EEFSEC: variants seen among roughly 807,000 people sequenced by gnomAD.
The protein encoded by EEFSEC is eukaryotic elongation factor, selenocysteine-tRNA specific.
In EEFSEC, 43 loss-of-function variants were observed where a neutral mutation model predicts 42.1. The ratio of observed to expected loss-of-function variants is 1.02; its 90% CI spans 0.80 to 1.32. The LOEUF is 1.32. Ranked by LOEUF, EEFSEC falls within the 40% of genes most tolerant of loss-of-function variation. The pLI, the probability that EEFSEC is intolerant of heterozygous loss-of-function variation, is 0.00. For synonymous variants in EEFSEC, 354 were observed against 339.1 expected (o/e 1.04, Z -0.48); for missense variants, 745 against 803.6 (o/e 0.93, Z 0.88).
chr3:128,410,982 G>C (rs529087655), downstream of EEFSEC, among the ~76,000 whole-genome samples: 4 of 152,212 alleles, frequency 2.6e-5, no homozygotes, highest in Non-Finnish European at 4.4e-5. Flanking sequence ...GCCTCTGAGC[G>C]CCCTGAGTGT....
chr3:128,394,025 G>T (rs1356969033), intron 6 of EEFSEC, among the ~76,000 whole-genome samples: 4 of 151,858 alleles, frequency 2.6e-5, no homozygotes, highest in Admixed American at 1.3e-4. Flanking sequence ...GGGGCGGGGG[G>T]TGCGGAGGTC....
intron 6 of EEFSEC, among the ~76,000 whole-genome samples, chr3:128,391,038 C>T (rs528129426): frequency 4.6e-5 from 7 of 152,246 alleles, no homozygotes; most frequent in African/African-American, 7.2e-5. Flanking sequence ...ACCTGTCATA[C>T]GACACATGGA....
chr3:128,340,056 C>A (rs116527406), intron 4 of EEFSEC, among the ~76,000 whole-genome samples: 2,263 of 152,288 alleles, frequency 0.015, 58 homozygotes, highest in African/African-American at 0.05. Context: ...GATGGGGACA[C>A]AGCCAAACCA....
intron 6 of EEFSEC, among the ~76,000 whole-genome samples, chr3:128,394,893 C>T (rs975328353): frequency 3.3e-5 from 5 of 152,230 alleles, no homozygotes; most frequent in African/African-American, 9.6e-5. Context: ...CTGGCCCGGC[C>T]TCTGCACCCT....
intron 1 of EEFSEC, among the ~76,000 whole-genome samples, chr3:128,209,002 G>T (rs2065728497): frequency 6.6e-6 from 1 of 152,206 alleles, no homozygotes; most frequent in Non-Finnish European, 1.5e-5. Flanking sequence ...TGACATTTGA[G>T]TGAGTTCTTG....
chr3:128,299,790 C>G (rs1201322491), intron 4 of EEFSEC, among the ~76,000 whole-genome samples: 2 of 152,182 alleles, frequency 1.3e-5, no homozygotes. Context: ...CAGAGATGAC[C>G]ACGTATTTCA....
intron 1 of EEFSEC, among the ~76,000 whole-genome samples, chr3:128,235,101 G>C (rs1021878744): frequency 2.6e-5 from 4 of 152,014 alleles, no homozygotes; most frequent in Admixed American, 2.0e-4. Flanking sequence ...GTCTCATTCT[G>C]TTGCCCAGGT....
intron 2 of EEFSEC, among the ~76,000 whole-genome samples, chr3:128,254,267 C>G (rs1392876700): frequency 6.6e-6 from 1 of 152,188 alleles, no homozygotes; most frequent in African/African-American, 2.4e-5. Flanking sequence ...CATGTGATGA[C>G]TAAGCAGGGG....
rs2065829929 is a variant in EEFSEC at position 128,218,300 on chromosome 3, C to G, written c.317-28536C>G. Among the ~76,000 whole-genome samples, 3 of 152,332 alleles carry G rather than the reference C, an allele frequency of 2.0e-5. No individual in the cohort carries two copies. In the South Asian group the frequency reaches 6.2e-4, roughly 32 times the overall value. On this transcript the variant is annotated intron_variant, in intron 1 of 6. Transcript: ENST00000254730. ...TAGACTGTAAGAACTACTCCGGAAA[C>G]AGCTGGTAACAGGACACCGTACTTT...
intron 4 of EEFSEC, among the ~76,000 whole-genome samples, chr3:128,295,732 G>C (rs373187550): frequency 2.6e-5 from 4 of 151,668 alleles, no homozygotes; most frequent in African/African-American, 9.7e-5. Flanking sequence ...CCAGCAGTCA[G>C]CTGGGGAGGC....
intron 1 of EEFSEC, among the ~76,000 whole-genome samples, chr3:128,169,953 G>A (rs1192252198): frequency 6.6e-6 from 1 of 152,174 alleles, no homozygotes; most frequent in East Asian, 1.9e-4. Flanking sequence ...GCAATGCATG[G>A]CGGTGGGGCA....
chr3:128,277,453 G>GT (rs2066480741), intron 4 of EEFSEC, among the ~76,000 whole-genome samples: 2 of 152,222 alleles, frequency 1.3e-5, no homozygotes, highest in East Asian at 3.9e-4. Context: ...AAGTTTGGGT[G>GT]TTTTTTGTTT....
intron 4 of EEFSEC, chr3:128,336,837 G>A (rs1439194719): frequency 6.6e-6 from 1 of 152,162 alleles, no homozygotes; most frequent in Non-Finnish European, 1.5e-5. Context: ...TTCTCTAGAA[G>A]ACAGCAGACT....
chr3:128,182,446 A>T (rs2065418352), intron 1 of EEFSEC, among the ~76,000 whole-genome samples: 1 of 152,218 alleles, frequency 6.6e-6, no homozygotes, highest in Admixed American at 6.5e-5. Context: ...AGAGAAAAGT[A>T]TGCCTTCCTT....
At chr3:128,354,415 G>A (rs1010546607) in intron 5 of EEFSEC, among the ~76,000 whole-genome samples, 6 of 152,202 alleles carry the variant, frequency 3.9e-5, no homozygotes, top group Admixed American at 6.5e-5. Flanking sequence ...ACCTTATCCC[G>A]GATGCTTAAA....
intron 4 of EEFSEC, among the ~76,000 whole-genome samples, chr3:128,319,484 G>A (rs920695887): frequency 4.6e-5 from 7 of 152,164 alleles, no homozygotes; most frequent in Non-Finnish European, 8.8e-5. Context: ...TTTTATTTGC[G>A]ATATAACATG....
chr3:128,398,772 A>G (rs2068013290), intron 6 of EEFSEC, among the ~76,000 whole-genome samples: 1 of 152,186 alleles, frequency 6.6e-6, no homozygotes, highest in South Asian at 2.1e-4. Flanking sequence ...CCTGCACAGC[A>G]AGGAAGGTAA....
intron 6 of EEFSEC, among the ~76,000 whole-genome samples, chr3:128,375,715 G>A (rs546991045): frequency 6.6e-6 from 1 of 152,198 alleles, no homozygotes; most frequent in African/African-American, 2.4e-5. Flanking sequence ...GTGCCACATC[G>A]GCTTCTCCAC....
intron 4 of EEFSEC, among the ~76,000 whole-genome samples, chr3:128,331,332 C>T (rs1304921747): frequency 4.6e-5 from 3 of 65,172 alleles, no homozygotes; most frequent in African/African-American, 6.6e-5. Context: ...TGCATCTCCC[C>T]TCTTCCCCCC....
Sources: allele counts gnomAD v4.1 joint callset (sites outside exome capture counted in the v4.1 genomes callset), GRCh38; gene constraint gnomAD v4.1.1; transcripts MANE v1.5; gene names NCBI Gene and HGNC (gene_info 2026-07-23, HGNC 2026-07-21).